Variants in PHEX observed in about 807,000 individuals in gnomAD.
The protein encoded by PHEX is phosphate regulating endopeptidase X-linked.
In PHEX, 16 loss-of-function variants were observed where a neutral mutation model predicts 68.0. The observed-to-expected ratio is 0.24, with a 90% CI of 0.16 to 0.36. The LOEUF is 0.36. PHEX is among the 10% of genes least tolerant of loss of function. The pLI is 1.00. For missense variants in PHEX, 480 were observed against 575.5 expected (o/e 0.83, Z 1.70); for synonymous variants, 208 against 205.1 (o/e 1.01, Z -0.12).
rs1555900710 is a variant in PHEX at position 22,249,455 on chromosome X, A to ATAT, written c.*1502_*1503insTAT. Reference sequence around the variant, plus strand: ...TTGTGATTCTTTTAAAAAAAAAAAAAATATATATATATATATATATATATA... The same window carrying ATAT: ...TTGTGATTCTTTTAAAAAAAAAAAAATATATATATATATATATATATATATATA... On this transcript the variant is annotated 3_prime_UTR_variant, in exon 22 of 22. Coordinates refer to ENST00000379374, the MANE Select transcript of PHEX (RefSeq NM_000444.6). The ATAT allele has an allele frequency of 1.1e-3, 42 of 39,750 alleles. No individual in the cohort carries two copies. The highest frequency in any genetic ancestry group is 6.3e-3 in the South Asian group (5 of 793). 3.3% of individuals were successfully genotyped at this position (39,750 alleles called of 1,213,427 possible).
chrX:22,249,471 T>C lies in PHEX; in HGVS notation c.*1518T>C, dbSNP rs1297699491. The C allele has an allele frequency of 2.4e-5, 2 of 83,812 alleles. No homozygotes were observed. Among genetic ancestry groups the C allele is most frequent in the Non-Finnish European group, 4.4e-5 (2 of 45,756 alleles). 6.9% of individuals were successfully genotyped at this position (83,812 alleles called of 1,213,427 possible). A position where few individuals can be genotyped will look rare whatever the true frequency, so the allele number is the denominator to read the frequency against. On this transcript the variant is annotated 3_prime_UTR_variant, in exon 22 of 22. Transcript: ENST00000379374. ...AAAAAAAAAAATATATATATATATA[T>C]ATATATATATATATATGTATATCTA...
intron 15 of PHEX, among the ~76,000 whole-genome samples, chrX:22,205,642 T>A (rs2081787197): frequency 1.2e-5 from 1 of 86,517 alleles, no homozygotes; most frequent in Non-Finnish European, 2.2e-5. Context: ...ATATTAAAAA[T>A]TAATATTAAA....
At chrX:22,038,430 T>A in intron 1 of PHEX, 39 bp from the exon 2 acceptor site, 1 of 931,555 alleles carries the variant, frequency 1.1e-6, no homozygotes, top group African/African-American at 1.9e-5. Context: ...GATGGTGGTC[T>A]GCTACAACTC....
chrX:22,151,876 G>A (rs1252801014), intron 12 of PHEX, among the ~76,000 whole-genome samples: 1 of 111,251 alleles, frequency 9.0e-6, no homozygotes, highest in Non-Finnish European at 1.9e-5. Flanking sequence ...AAGCTCAGTG[G>A]TATTATTTTT....
intron 21 of PHEX, among the ~76,000 whole-genome samples, chrX:22,245,962 A>G (rs1301822059): frequency 8.9e-6 from 1 of 111,783 alleles, no homozygotes; most frequent in Non-Finnish European, 1.9e-5. Flanking sequence ...ACCAGCAAAC[A>G]TGAATGAATG....
chrX:22,086,212 C>G lies in PHEX; in HGVS notation c.664-4217C>G, dbSNP rs895511355. On this transcript the variant is annotated intron_variant, in intron 5 of 21. Coordinates refer to ENST00000379374, the MANE Select transcript of PHEX (RefSeq NM_000444.6). ...TACAGGTGACCTTTGGAATGAACCT[C>G]CTATAGCATAATGCTGCTGAACAGC... is the stretch of plus-strand genomic sequence containing the variant. 1.5e-4 allele frequency among the ~76,000 whole-genome samples: 17 copies of G among 111,923 alleles called. 1 individual carries two copies. The highest frequency in any genetic ancestry group is 5.5e-4 in the African/African-American group (17 of 30,814).
intron 12 of PHEX, among the ~76,000 whole-genome samples, chrX:22,151,851 G>A (rs996991187): frequency 8.1e-5 from 9 of 111,210 alleles, no homozygotes; most frequent in African/African-American, 2.6e-4. Context: ...TAGTCCCACC[G>A]ATGTCCAGAA....
At chrX:22,071,863 C>T (rs1304790178) in intron 3 of PHEX, among the ~76,000 whole-genome samples, 13 of 104,890 alleles carry the variant, frequency 1.2e-4, no homozygotes, top group East Asian at 3.0e-4. Flanking sequence ...TTTGGGAGGC[C>T]GAGGCGGGTG....
intron 18 of PHEX, among the ~76,000 whole-genome samples, chrX:22,224,014 G>C (rs974751761): frequency 8.9e-6 from 1 of 112,200 alleles, no homozygotes; most frequent in Non-Finnish European, 1.9e-5. Context: ...ACAGCGTCTC[G>C]CTGAGTCACC....
In PHEX at chrX:22,104,851, C is replaced by A. The variant is rs762168059; in HGVS notation, c.1079+5700C>A. Among the ~76,000 whole-genome samples, 4 of 108,823 alleles carry A rather than the reference C, an allele frequency of 3.7e-5. No individual in the cohort carries two copies. In the East Asian group the frequency reaches 1.1e-3, roughly 31 times the overall value. 94.5% of individuals were successfully genotyped at this position (108,823 alleles called of 115,157 possible). ...GGGCTGGATCCATGGAGATCATCTG[C>A]GCCAGGACTGTTTTCTTTTGTTGTT... On this transcript the variant is annotated intron_variant, in intron 9 of 21. Coordinates refer to ENST00000379374, the MANE Select transcript of PHEX (RefSeq NM_000444.6).
intron 2 of PHEX, among the ~76,000 whole-genome samples, chrX:22,040,745 G>A (rs1337391581): frequency 2.7e-5 from 3 of 110,742 alleles, no homozygotes; most frequent in African/African-American, 3.3e-5. Context: ...TGCAAGTGAT[G>A]AGGAGTCAAT....
At chrX:22,245,274 C>G (rs1936357993) in intron 20 of PHEX, 59 bp from the exon 21 acceptor site, 7 of 931,509 alleles carry the variant, frequency 7.5e-6, no homozygotes, top group Non-Finnish European at 1.6e-6. Flanking sequence ...GCAGTTAAAA[C>G]AGCAGAAAAT....
At chrX:22,160,668 C>A (rs1933093529) in intron 12 of PHEX, among the ~76,000 whole-genome samples, 1 of 111,387 alleles carries the variant, frequency 9.0e-6, no homozygotes, top group South Asian at 3.8e-4. Context: ...ACAGGAAAGA[C>A]CCACCCTCAT....
intron 18 of PHEX, among the ~76,000 whole-genome samples, chrX:22,224,230 G>A (rs748206397): frequency 6.3e-5 from 7 of 111,664 alleles, no homozygotes; most frequent in Non-Finnish European, 1.1e-4. Context: ...CAATCTGCCC[G>A]CCCCAGCCTC....
chrX:22,176,119 G>T (rs1374911254), intron 13 of PHEX, among the ~76,000 whole-genome samples: 1 of 110,627 alleles, frequency 9.0e-6, no homozygotes, highest in Non-Finnish European at 1.9e-5. Flanking sequence ...CAGCGCGGTG[G>T]CCCACACCTG....
chrX:22,178,293 C>T lies in PHEX; in HGVS notation c.1503C>T (p.Asp501=). The T allele has an allele frequency of 3.3e-6, 4 of 1,197,698 alleles. No individual in the cohort carries two copies. The highest frequency in any genetic ancestry group is 4.5e-6 in the Non-Finnish European group (4 of 883,923). The change falls in exon 14 of 22, where the codon GAC becomes GAT. Residue 501 remains aspartate, a synonymous_variant. Transcript: ENST00000379374. ...DLKAIKFSEA[D]YFGNVLQTRK... ...TTCAGATCAAGTTTTCAGAAGCCGA[C>T]TACTTTGGCAACGTCCTACAAACTC...
intron 20 of PHEX, among the ~76,000 whole-genome samples, chrX:22,229,627 A>C (rs1163034551): frequency 8.9e-6 from 1 of 112,153 alleles, no homozygotes; most frequent in East Asian, 2.8e-4. Context: ...TTCTTTGTAG[A>C]TTCTCGATAC....
chrX:22,065,713 C>T (rs746159612), intron 3 of PHEX, among the ~76,000 whole-genome samples: 2 of 111,954 alleles, frequency 1.8e-5, no homozygotes, highest in Non-Finnish European at 1.9e-5. Flanking sequence ...CGTGAGCCAC[C>T]GCGCCCGGCC....
At chrX:22,085,662 A>C (rs975745221) in intron 5 of PHEX, among the ~76,000 whole-genome samples, 6 of 111,678 alleles carry the variant, frequency 5.4e-5, no homozygotes, top group African/African-American at 2.0e-4. Context: ...TGGTCAGAAA[A>C]GATAACTGAT....
Sources: gnomAD v4.1 joint callset for allele counts (sites outside exome capture counted in the v4.1 genomes callset) on GRCh38, gnomAD v4.1.1 for gene constraint, MANE v1.5 for transcripts, NCBI Gene and HGNC (gene_info 2026-07-23, HGNC 2026-07-21) for gene names.